WNT5B: variants seen among roughly 807,000 people sequenced by gnomAD.
The protein encoded by WNT5B is Wnt family member 5B, also known as protein Wnt-5b.
Under a neutral mutation model 36.5 loss-of-function variants are expected in WNT5B, and 18 were observed. That is an observed-to-expected ratio of 0.49 (90% CI 0.34 to 0.73). WNT5B has a LOEUF of 0.73. WNT5B is among the 30% of genes least tolerant of loss of function. WNT5B has a pLI of 0.01. For synonymous variants in WNT5B, 213 were observed against 212.3 expected, an observed-to-expected ratio of 1.00 and a Z score of -0.03; for missense variants, 424 against 508.4, an observed-to-expected ratio of 0.83 and a Z score of 1.60.
intron 1 of WNT5B, among the ~76,000 whole-genome samples, chr12:1,622,886 G>C (rs1050442402): frequency 6.6e-6 from 1 of 152,224 alleles, no homozygotes; most frequent in African/African-American, 2.4e-5. Flanking sequence ...GCTGCTGGGG[G>C]CCTTCTTTGG....
rs770406255 is a variant in WNT5B, at chr12:1,639,678, C to A, written c.329-6C>A. The A allele has an allele frequency of 9.7e-6, 15 of 1,539,746 alleles. No individual in the cohort carries two copies. Among genetic ancestry groups the A allele is most frequent in the South Asian group, 1.2e-5 (1 of 82,106 alleles). On this transcript the variant is annotated splice_polypyrimidine_tract_variant and splice_region_variant and intron_variant, in intron 3 of 4. Coordinates refer to ENST00000397196, the MANE Select transcript of WNT5B (RefSeq NM_032642.3). ...ACCCGCTTACCGCCCTGGCCTCATT[C>A]TGCAGGCAGCCGAGAGACCGCCTTC...
In WNT5B at chr12:1,624,106, G is replaced by A. The variant is rs138537255; in HGVS notation, c.-58+6963G>A. Among the ~76,000 whole-genome samples, 584 of 152,300 alleles carry A rather than the reference G, an allele frequency of 3.8e-3. 4 individuals carry two copies. The highest frequency in any genetic ancestry group is 6.0e-3 in the Non-Finnish European group (408 of 68,018). On this transcript the variant is annotated intron_variant, in intron 1 of 4. Transcript: ENST00000310594. ...ATGGTGCAACGAAGAAAAGAAAGAG[G>A]CTGGGTACCGCGGCTCACGCCTGTA...
At chr12:1,625,971 T>C (rs868046213), upstream of WNT5B, among the ~76,000 whole-genome samples, 29 of 148,788 alleles carry the variant, frequency 1.9e-4, no homozygotes, top group African/African-American at 2.3e-4. Flanking sequence ...CCTGTTTTTT[T>C]TCTCTCTCTT....
At chr12:1,623,187 GTTTTTTTTTTT>G (rs771500550) in intron 1 of WNT5B, among the ~76,000 whole-genome samples, 5 of 58,380 alleles carry the variant, frequency 8.6e-5, no homozygotes, top group South Asian at 7.4e-4. Context: ...GTTTTTTGTT[GTTTTTTTTTTT>G]TTTTTTTTTT....
At position 1,632,507 on chromosome 12, in the gene WNT5B, A is replaced by T; in HGVS notation, c.81-151A>T. On this transcript the variant is annotated intron_variant, in intron 2 of 4. Transcript: ENST00000397196. This position sits in a 1 kb window ranked among gnomAD's most constrained non-coding sequence, Gnocchi z 5.8. ...CAGATTCCTTCAGTTTGTCCTTTGAAGGCCAGCACTCTGATTTACTAATTT... is the reference window on the plus strand; with the variant it reads ...CAGATTCCTTCAGTTTGTCCTTTGATGGCCAGCACTCTGATTTACTAATTT... 1 of 1,139,592 alleles carries T rather than the reference A, an allele frequency of 8.8e-7. No homozygotes were observed. Among genetic ancestry groups the T allele is most frequent in the Non-Finnish European group, 1.2e-6 (1 of 816,440 alleles). The allele number at this position is 1,139,592 out of a possible 1,614,324, so 70.6% of individuals were successfully genotyped here. A position where few individuals can be genotyped will look rare whatever the true frequency, so the allele number is the denominator to read the frequency against.
intron 4 of WNT5B, among the ~76,000 whole-genome samples, chr12:1,643,810 A>G (rs1314254001): frequency 6.8e-6 from 1 of 147,162 alleles, no homozygotes; most frequent in Non-Finnish European, 1.5e-5. Flanking sequence ...GATTTTGTAT[A>G]TATACATATA....
At position 1,644,102 on chromosome 12, in the gene WNT5B, C is replaced by T. The variant is rs538449595; in HGVS notation, c.622-1692C>T. 6.6e-6 allele frequency among the ~76,000 whole-genome samples: 1 copy of T among 152,324 alleles called. No individual in the cohort carries two copies. The highest frequency in any genetic ancestry group is 2.4e-5 in the African/African-American group (1 of 41,562). On this transcript the variant is annotated intron_variant, in intron 4 of 4. Coordinates refer to ENST00000397196, the MANE Select transcript of WNT5B (RefSeq NM_032642.3). This position sits in a 1 kb window ranked among gnomAD's most constrained non-coding sequence, Gnocchi z 5.1. Reference sequence around the variant, plus strand: ...AACCCTTAATGTTTCCTCCTCTCAGCAGTGCCAGACGCCTGTCATCCATCT... The same window carrying T: ...AACCCTTAATGTTTCCTCCTCTCAGTAGTGCCAGACGCCTGTCATCCATCT...
intron 1 of WNT5B, among the ~76,000 whole-genome samples, chr12:1,623,196 T>TTTG (rs1555156804): frequency 0.013 from 1,471 of 114,934 alleles, 110 homozygotes; most frequent in African/African-American, 0.034. Context: ...TGTTTTTTTT[T>TTTG]TTTTTTTTTT....
At chr12:1,622,946 G>C (rs996223659) in intron 1 of WNT5B, among the ~76,000 whole-genome samples, 4 of 152,156 alleles carry the variant, frequency 2.6e-5, no homozygotes, top group Non-Finnish European at 5.9e-5. Flanking sequence ...CAATGACAAA[G>C]GAGCTTGCTC....
At chr12:1,636,255 G>T (rs1440653931) in intron 3 of WNT5B, among the ~76,000 whole-genome samples, 1 of 151,832 alleles carries the variant, frequency 6.6e-6, no homozygotes, top group Non-Finnish European at 1.5e-5. Flanking sequence ...TCACAAGGCT[G>T]TGCAACTATC....
intron 3 of WNT5B, among the ~76,000 whole-genome samples, chr12:1,634,117 C>G (rs182973504): frequency 1.4e-4 from 22 of 152,242 alleles, no homozygotes; most frequent in African/African-American, 5.3e-4. Flanking sequence ...ACTTGCTGCT[C>G]TCTTGCTTCC....
Position 1,647,095 on chromosome 12 carries a change from C to A in WNT5B, c.*843C>A, listed in dbSNP as rs1021813454. 1 of 152,356 alleles carries A rather than the reference C, an allele frequency of 6.6e-6. No homozygotes were observed. Among genetic ancestry groups the A allele is most frequent in the Non-Finnish European group, 1.5e-5 (1 of 68,174 alleles). 9.4% of individuals were successfully genotyped at this position (152,356 alleles called of 1,614,324 possible). A position where few individuals can be genotyped will look rare whatever the true frequency, so the allele number is the denominator to read the frequency against. The stretch of plus-strand genomic sequence containing the variant: ...TGAGCTGCTGCTGTCACTCCTCCAC[C>A]GAGGGAGGCCTCACAAACCACAGGA... On this transcript the variant is annotated 3_prime_UTR_variant, in exon 5 of 5. Coordinates refer to ENST00000397196, the MANE Select transcript of WNT5B (RefSeq NM_032642.3).
At chr12:1,631,140 T>A in intron 1 of WNT5B, 158 bp from the exon 2 acceptor site, 1 of 547,158 alleles carries the variant, frequency 1.8e-6, no homozygotes, top group Non-Finnish European at 3.1e-6. Flanking sequence ...GGTGGGAAGA[T>A]GAGCAGTGGG....
upstream of WNT5B, among the ~76,000 whole-genome samples, chr12:1,624,377 C>CAAAAAAA (rs34209948): frequency 1.0e-4 from 8 of 78,212 alleles, no homozygotes; most frequent in African/African-American, 1.0e-4. Flanking sequence ...GACTCTGTCT[C>CAAAAAAA]AAAAAAAAAA....
chr12:1,632,819 A>G lies in WNT5B; in HGVS notation c.242A>G (p.Lys81Arg), dbSNP rs2094553446. The G allele has an allele frequency of 6.2e-7, 1 of 1,614,198 alleles. No individual in the cohort carries two copies. The highest frequency in any genetic ancestry group is 1.7e-5 in the Admixed American group (1 of 60,032). Residue 81 changes from lysine to arginine, a missense_variant, in exon 3 of 5, where the codon AAG (lysine) becomes AGG (arginine). Physicochemically the swap from Lys to Arg is conservative, Grantham distance 26 (BLOSUM62 2). Coordinates refer to ENST00000397196, the MANE Select transcript of WNT5B (RefSeq NM_032642.3). The surrounding 1 kb of genome is among the most constrained non-coding windows in gnomAD (Gnocchi z 5.8). The part of the protein sequence containing the change: ...YIGEGAKTGI[K>R]ECQHQFRQRR... ...GGGGAGGGAGCCAAGACTGGCATCA[A>G]GGAATGCCAGCACCAGTTCCGGCAG...
chr12:1,630,187 T>G lies in WNT5B; in HGVS notation c.-58+816T>G. On this transcript the variant is annotated intron_variant, in intron 1 of 4. Transcript: ENST00000397196. This position sits in a 1 kb window ranked among gnomAD's most constrained non-coding sequence, Gnocchi z 5.3. ...GCCTGGGGACGCCGACGCGCGAGAG[T>G]GGCGCAGTGAGCCGGGGCGCGCGGG... 1 of 984,058 alleles carries G rather than the reference T, an allele frequency of 1.0e-6. No homozygotes were observed. Among genetic ancestry groups the G allele is most frequent in the Non-Finnish European group, 1.2e-6 (1 of 829,532 alleles). 61.0% of individuals were successfully genotyped at this position (984,058 alleles called of 1,614,324 possible). A position where few individuals can be genotyped will look rare whatever the true frequency, so the allele number is the denominator to read the frequency against.
rs1447981007 is a variant in WNT5B at position 1,644,346 on chromosome 12, C to A, written c.622-1448C>A. Among the ~76,000 whole-genome samples, 1 of 152,082 alleles carries A rather than the reference C, an allele frequency of 6.6e-6. No individual in the cohort carries two copies. The highest frequency in any genetic ancestry group is 1.9e-4 in the East Asian group (1 of 5,184). ...CTCTGCTCTAAGCCAGCTTTAAGCCCCGAGATTGGAGTGGATAAGTGCTTG... is the reference window on the plus strand; with the variant it reads ...CTCTGCTCTAAGCCAGCTTTAAGCCACGAGATTGGAGTGGATAAGTGCTTG... On this transcript the variant is annotated intron_variant, in intron 4 of 4. Coordinates refer to ENST00000397196, the MANE Select transcript of WNT5B (RefSeq NM_032642.3). This position sits in a 1 kb window ranked among gnomAD's most constrained non-coding sequence, Gnocchi z 5.1.
At chr12:1,620,179 C>A (rs1013530728) in intron 1 of WNT5B, among the ~76,000 whole-genome samples, 1 of 152,138 alleles carries the variant, frequency 6.6e-6, no homozygotes, top group African/African-American at 2.4e-5. Context: ...TGCTGGTATC[C>A]CAGGAACTTC....
intron 3 of WNT5B, among the ~76,000 whole-genome samples, chr12:1,639,211 C>T (rs931743360): frequency 2.0e-5 from 3 of 150,518 alleles, no homozygotes; most frequent in African/African-American, 7.3e-5. Context: ...GGTCTCAGCT[C>T]CCTGCAAGCT....
Sources: allele counts gnomAD v4.1 joint callset (sites outside exome capture counted in the v4.1 genomes callset), GRCh38; gene constraint gnomAD v4.1.1; non-coding constraint Gnocchi (gnomAD v3.1); transcripts MANE v1.5; gene names NCBI Gene and HGNC (gene_info 2026-07-23, HGNC 2026-07-21).